Variants in LPAR1 observed in about 807,000 individuals in gnomAD.
The protein encoded by LPAR1 is LPA receptor 1.
Under a neutral mutation model 23.8 loss-of-function variants are expected in LPAR1, and 5 were observed. The observed-to-expected ratio is 0.21, with a 90% confidence interval of 0.11 to 0.44. LPAR1 has a LOEUF of 0.44. Among genes scored for constraint, LPAR1 ranks in the 20% least tolerant of loss-of-function variants. LPAR1 has a pLI of 0.99. For missense variants in LPAR1, 311 were observed against 482.8 expected (o/e 0.64, Z 3.33); for synonymous variants, 160 against 164.7 (o/e 0.97, Z 0.22).
intron 5 of LPAR1, among the ~76,000 whole-genome samples, chr9:110,933,613 C>T (rs2094523637): frequency 6.6e-6 from 1 of 152,168 alleles, no homozygotes; most frequent in Non-Finnish European, 1.5e-5. Context: ...CAGATCTAAA[C>T]TCTCAACCCC....
chr9:111,005,441 G>A (rs902701126), intron 2 of LPAR1, among the ~76,000 whole-genome samples: 42 of 150,342 alleles, frequency 2.8e-4, no homozygotes, highest in Non-Finnish European at 3.8e-4. Flanking sequence ...CCAGCTACTC[G>A]GGAGGCTGAG....
Position 110,933,096 on chromosome 9 carries a change from T to G in LPAR1, c.793+8325A>C, listed in dbSNP as rs567157365. ...ATTTCCTGTGATGCTAACAGGATTT[T>G]TCATACATAGGGCTGAGGCTCAACA... On this transcript the variant is annotated intron_variant, in intron 5 of 5. Coordinates refer to ENST00000683809, the MANE Select transcript of LPAR1 (RefSeq NM_001351411.2). Among the ~76,000 whole-genome samples the G allele has an allele frequency of 6.6e-4, 100 of 152,328 alleles. 2 individuals are homozygous for G. Among genetic ancestry groups the G allele is most frequent in the Admixed American group, 2.0e-3 (31 of 15,300 alleles).
At chr9:110,961,349 G>A (rs374394442) in intron 4 of LPAR1, among the ~76,000 whole-genome samples, 15 of 151,524 alleles carry the variant, frequency 9.9e-5, no homozygotes, top group African/African-American at 1.2e-4. Flanking sequence ...GGCCAGGCAC[G>A]GTGGCTCACA....
intron 4 of LPAR1, among the ~76,000 whole-genome samples, chr9:110,956,921 A>T (rs541089855): frequency 6.6e-6 from 1 of 152,308 alleles, no homozygotes; most frequent in East Asian, 1.9e-4. Flanking sequence ...GATTTTTCCT[A>T]ATCCATTCTA....
At chr9:111,016,659 T>G (rs2140910357) in intron 2 of LPAR1, among the ~76,000 whole-genome samples, 1 of 152,336 alleles carries the variant, frequency 6.6e-6, no homozygotes, top group African/African-American at 2.4e-5. Flanking sequence ...AGTATTGAGC[T>G]TAATAACCTT....
At chr9:110,976,179 T>C (rs1482676552) in intron 2 of LPAR1, among the ~76,000 whole-genome samples, 1 of 150,734 alleles carries the variant, frequency 6.6e-6, no homozygotes, top group Non-Finnish European at 1.5e-5. Flanking sequence ...AACTAGAGAG[T>C]TGCACAATAA....
chr9:110,917,869 T>C (rs753321028), intron 5 of LPAR1, among the ~76,000 whole-genome samples: 1 of 152,158 alleles, frequency 6.6e-6, no homozygotes, highest in Non-Finnish European at 1.5e-5. Context: ...AAACTCAACT[T>C]TGTCCTCTGA....
At chr9:110,986,646 G>A (rs1426275581) in intron 2 of LPAR1, among the ~76,000 whole-genome samples, 8 of 140,880 alleles carry the variant, frequency 5.7e-5, no homozygotes, top group African/African-American at 2.1e-4. Flanking sequence ...ATGAAGTGAA[G>A]GGAAGAAAAT....
intron 4 of LPAR1, among the ~76,000 whole-genome samples, chr9:110,954,172 A>G (rs557005563): frequency 3.3e-4 from 51 of 152,300 alleles, no homozygotes; most frequent in African/African-American, 1.2e-3. Context: ...AATACAAAAT[A>G]CATTCAAAAA....
At chr9:110,956,050 T>C (rs1386210447) in intron 4 of LPAR1, among the ~76,000 whole-genome samples, 2 of 151,632 alleles carry the variant, frequency 1.3e-5, no homozygotes, top group East Asian at 3.9e-4. Context: ...TAATAAAGAT[T>C]AGGGCATAAA....
chr9:110,954,820 T>C (rs547645200), intron 4 of LPAR1, among the ~76,000 whole-genome samples: 6 of 152,298 alleles, frequency 3.9e-5, no homozygotes, highest in African/African-American at 1.2e-4. Flanking sequence ...GCTGAGGGAA[T>C]TACCACTAGA....
In LPAR1 at chr9:110,906,805, G is replaced by A. The variant is rs1295880828; in HGVS notation, c.794-31083C>T. 2.6e-5 allele frequency among the ~76,000 whole-genome samples: 4 copies of A among 152,140 alleles called. No individual in the cohort carries two copies. In the East Asian group the frequency reaches 7.7e-4, roughly 29 times the overall value. On this transcript the variant is annotated intron_variant, in intron 5 of 5. Coordinates refer to ENST00000683809, the MANE Select transcript of LPAR1 (RefSeq NM_001351411.2). Reference sequence around the variant, plus strand: ...AAACATAACAAATATATCACATAAAGTAAATGAACTATATATTTACTTGTA... The same window carrying A: ...AAACATAACAAATATATCACATAAAATAAATGAACTATATATTTACTTGTA...
chr9:111,000,316 A>G (rs928551313), intron 2 of LPAR1, among the ~76,000 whole-genome samples: 1 of 152,188 alleles, frequency 6.6e-6, no homozygotes, highest in Non-Finnish European at 1.5e-5. Flanking sequence ...GAATTCTAAC[A>G]TGAAAAATTT....
chr9:110,890,375 T>C (rs2083728350), intron 5 of LPAR1, among the ~76,000 whole-genome samples: 1 of 152,196 alleles, frequency 6.6e-6, no homozygotes, highest in African/African-American at 2.4e-5. Flanking sequence ...AAGGAACATA[T>C]TACTTCCTAT....
intron 2 of LPAR1, among the ~76,000 whole-genome samples, chr9:110,976,915 A>G (rs1320904562): frequency 6.6e-6 from 1 of 152,174 alleles, no homozygotes; most frequent in Admixed American, 6.5e-5. Flanking sequence ...TCACATATAT[A>G]AAATACAATT....
chr9:110,897,003 G>C (rs374530942), intron 5 of LPAR1, among the ~76,000 whole-genome samples: 6 of 152,184 alleles, frequency 3.9e-5, no homozygotes, highest in African/African-American at 1.4e-4. Flanking sequence ...TAGCCAGGAT[G>C]GTCTCGATCT....
chr9:111,019,263 A>T (rs2097514870), intron 2 of LPAR1, among the ~76,000 whole-genome samples: 2 of 152,220 alleles, frequency 1.3e-5, no homozygotes, highest in South Asian at 4.1e-4. Context: ...GTTCGAGACC[A>T]GCCTGGTCAA....
intron 2 of LPAR1, among the ~76,000 whole-genome samples, chr9:110,991,466 A>G (rs867765204): frequency 6.6e-6 from 1 of 152,196 alleles, no homozygotes; most frequent in Non-Finnish European, 1.5e-5. Flanking sequence ...ATCTATAACT[A>G]GATAGACTCT....
At chr9:110,997,096 C>G (rs2097027104) in intron 2 of LPAR1, among the ~76,000 whole-genome samples, 1 of 152,160 alleles carries the variant, frequency 6.6e-6, no homozygotes, top group Non-Finnish European at 1.5e-5. Context: ...AACATTAACT[C>G]TTTCACAGTG....
Sources: allele counts gnomAD v4.1 joint callset (sites outside exome capture counted in the v4.1 genomes callset), GRCh38; gene constraint gnomAD v4.1.1; transcripts MANE v1.5; gene names NCBI Gene and HGNC (gene_info 2026-07-23, HGNC 2026-07-21).